Variants in ROBO1 observed in about 807,000 individuals in gnomAD.
ROBO1 encodes the protein roundabout homolog 1.
Under a neutral mutation model 195.9 loss-of-function variants are expected in ROBO1, and 149 were observed. The observed-to-expected ratio is 0.76, with a 90% CI of 0.67 to 0.87. The LOEUF (loss-of-function observed/expected upper bound fraction) is 0.87, where lower values mean the gene tolerates loss of function less well. Ranked by LOEUF, ROBO1 falls within the 40% of genes least tolerant of loss-of-function variation. ROBO1 has a pLI of 0.00. For missense variants in ROBO1, 1,933 were observed against 2,068.3 expected, an observed-to-expected ratio of 0.93 and a Z score of 1.27; for synonymous variants, 816 against 733.2, an observed-to-expected ratio of 1.11 and a Z score of -1.82.
intron 3 of ROBO1, among the ~76,000 whole-genome samples, chr3:79,106,886 G>T (rs190145559): frequency 2.6e-5 from 4 of 151,736 alleles, no homozygotes; most frequent in Admixed American, 1.3e-4. Flanking sequence ...AGCTATAAAT[G>T]TGTCCCCTTC....
chr3:79,353,271 C>A (rs1189331531), intron 2 of ROBO1, among the ~76,000 whole-genome samples: 3 of 151,880 alleles, frequency 2.0e-5, no homozygotes, highest in Non-Finnish European at 4.4e-5. Flanking sequence ...TTGGAGAGAG[C>A]AAATTGCTCT....
At chr3:79,663,557 G>T (rs1284687988) in intron 1 of ROBO1, among the ~76,000 whole-genome samples, 1 of 151,920 alleles carries the variant, frequency 6.6e-6, no homozygotes, top group East Asian at 1.9e-4. Context: ...TCACTAGGTT[G>T]CCCAGGCTGG....
At chr3:79,736,364 A>G (rs1354455412) in intron 1 of ROBO1, among the ~76,000 whole-genome samples, 1 of 152,252 alleles carries the variant, frequency 6.6e-6, no homozygotes, top group Admixed American at 6.5e-5. Context: ...AGAAGTTTGC[A>G]TCTTAATTGC....
chr3:79,544,118 G>T (rs1942176769), intron 2 of ROBO1, among the ~76,000 whole-genome samples: 1 of 151,808 alleles, frequency 6.6e-6, no homozygotes, highest in South Asian at 2.1e-4. Flanking sequence ...ACTGAAAAAA[G>T]AAAACAAAGA....
At position 79,625,423 on chromosome 3, in the gene ROBO1, G is replaced by GGA. The variant is rs1348121330; in HGVS notation, c.-50-35463_-50-35462insTC. Among the ~76,000 whole-genome samples, 9 of 13,880 alleles carry GGA rather than the reference G, an allele frequency of 6.5e-4. No homozygotes were observed. In the East Asian group the frequency reaches 0.013, roughly 20 times the overall value. The allele number at this position is 13,880 out of a possible 152,430, so 9.1% of individuals were successfully genotyped here. A position where few individuals can be genotyped will look rare whatever the true frequency, so the allele number is the denominator to read the frequency against. On this transcript the variant is annotated intron_variant, in intron 1 of 30. Transcript: ENST00000464233. ...AAGTAATCCAGTAGCTGTTTTTTTT[G>GGA]AAAAAAAAAAAAAAAAAAAAAGCAA...
chr3:79,525,867 C>T (rs372451840), intron 2 of ROBO1, among the ~76,000 whole-genome samples: 1 of 152,072 alleles, frequency 6.6e-6, no homozygotes, highest in Non-Finnish European at 1.5e-5. Context: ...GCCTCAGCCT[C>T]CCAAAGTGCT....
At chr3:78,853,392 T>A (rs2034196008) in intron 4 of ROBO1, among the ~76,000 whole-genome samples, 1 of 151,200 alleles carries the variant, frequency 6.6e-6, no homozygotes, top group Non-Finnish European at 1.5e-5. Context: ...GTATAGGATA[T>A]GTGCATATAT....
intron 1 of ROBO1, among the ~76,000 whole-genome samples, chr3:79,609,828 G>A (rs1944599500): frequency 6.6e-6 from 1 of 151,814 alleles, no homozygotes; most frequent in Non-Finnish European, 1.5e-5. Flanking sequence ...TAGACCGGAG[G>A]TTTGCAGGAG....
intron 8 of ROBO1, among the ~76,000 whole-genome samples, chr3:78,710,759 ACTT>A (rs1020187801): frequency 3.3e-5 from 5 of 152,136 alleles, no homozygotes; most frequent in South Asian, 2.1e-4. Flanking sequence ...TCTTTAACAC[ACTT>A]CTTCTACCTT....
chr3:79,267,237 T>A (rs534344390), intron 2 of ROBO1, among the ~76,000 whole-genome samples: 1 of 151,688 alleles, frequency 6.6e-6, no homozygotes, highest in Admixed American at 6.6e-5. Context: ...GAGGAATATA[T>A]AATAAAAATT....
intron 2 of ROBO1, among the ~76,000 whole-genome samples, chr3:79,281,387 C>T (rs13094574): frequency 0.046 from 7,007 of 152,130 alleles, 225 homozygotes; most frequent in Non-Finnish European, 0.076. Context: ...CATATGTATA[C>T]ATGTGCCACA....
chr3:79,497,886 A>T lies in ROBO1; in HGVS notation c.88+91938T>A, dbSNP rs563694027. Among the ~76,000 whole-genome samples the T allele has an allele frequency of 8.2e-4, 125 of 152,328 alleles. 1 individual carries two copies. Among genetic ancestry groups the T allele is most frequent in the Non-Finnish European group, 1.7e-3 (115 of 68,004 alleles). ...AATCAAAAATTTGAAAATAAAAATA[A>T]AGTGTCTCATAGCCATTAAAGGCCA... is the stretch of plus-strand genomic sequence containing the variant. On this transcript the variant is annotated intron_variant, in intron 2 of 30. Coordinates refer to ENST00000464233, the MANE Select transcript of ROBO1 (RefSeq NM_002941.4).
intron 2 of ROBO1, among the ~76,000 whole-genome samples, chr3:79,434,379 AAAC>A (rs2038801956): frequency 6.6e-6 from 1 of 152,212 alleles, no homozygotes; most frequent in Admixed American, 6.5e-5. Flanking sequence ...AGAAAAAAGT[AAAC>A]AACACCTTCA....
chr3:79,057,812 C>G (rs1272512656), intron 3 of ROBO1, among the ~76,000 whole-genome samples: 2 of 151,930 alleles, frequency 1.3e-5, no homozygotes, highest in Non-Finnish European at 2.9e-5. Context: ...TGGCTGGATG[C>G]TCCTGCAGAA....
At chr3:79,734,998 C>A (rs1292814198) in intron 1 of ROBO1, among the ~76,000 whole-genome samples, 1 of 152,200 alleles carries the variant, frequency 6.6e-6, no homozygotes, top group Non-Finnish European at 1.5e-5. Context: ...ATCGTAACAA[C>A]CCCTTCTTGC....
chr3:78,709,360 T>C (rs1286886382), intron 8 of ROBO1, among the ~76,000 whole-genome samples: 1 of 151,702 alleles, frequency 6.6e-6, no homozygotes, highest in Non-Finnish European at 1.5e-5. Context: ...TGGTATACCA[T>C]GTATACCAAT....
intron 2 of ROBO1, among the ~76,000 whole-genome samples, chr3:79,170,571 CAATT>C (rs1260071655): frequency 6.6e-6 from 1 of 152,080 alleles, no homozygotes; most frequent in African/African-American, 2.4e-5. Flanking sequence ...ACATGAAACT[CAATT>C]TCCTTTCCTT....
At chr3:78,925,931 C>T (rs371803227) in intron 4 of ROBO1, among the ~76,000 whole-genome samples, 5 of 151,758 alleles carry the variant, frequency 3.3e-5, no homozygotes, top group South Asian at 4.2e-4. Flanking sequence ...AGTACAATGG[C>T]GCCATCTCAG....
intron 1 of ROBO1, among the ~76,000 whole-genome samples, chr3:79,710,839 A>T (rs141575032): frequency 2.6e-5 from 4 of 152,284 alleles, no homozygotes; most frequent in Admixed American, 6.5e-5. Context: ...TTATTTGAGT[A>T]AATCTTGTAA....
Sources: gnomAD v4.1 joint callset for allele counts (sites outside exome capture counted in the v4.1 genomes callset) on GRCh38, gnomAD v4.1.1 for gene constraint, MANE v1.5 for transcripts, NCBI Gene and HGNC (gene_info 2026-07-23, HGNC 2026-07-21) for gene names.